SORCS2: variants seen among roughly 807,000 people sequenced by gnomAD.
SORCS2 encodes VPS10 domain-containing receptor SorCS2.
A neutral mutation model predicts 141.6 loss-of-function variants in SORCS2; 100 were observed. The ratio of observed to expected loss-of-function variants is 0.71; its 90% confidence interval spans 0.60 to 0.83. The LOEUF is 0.83. Among genes scored for constraint, SORCS2 ranks in the 40% least tolerant of loss-of-function variants. The probability of loss-of-function intolerance (pLI) is 0.00; values close to 1 mark genes in which losing one functional copy is unlikely to be tolerated. For missense variants in SORCS2, 1,646 were observed against 1,560.2 expected, an observed-to-expected ratio of 1.05 and a Z score of -0.93; for synonymous variants, 789 against 676.9, an observed-to-expected ratio of 1.17 and a Z score of -2.57.
chr4:7,520,395 G>A (rs1326977191), intron 2 of SORCS2, among the ~76,000 whole-genome samples: 1 of 152,202 alleles, frequency 6.6e-6, no homozygotes, highest in Non-Finnish European at 1.5e-5. Flanking sequence ...CGTGGGTCAG[G>A]TCCGAGGTCA....
At chr4:7,581,235 A>G (rs1471385799) in intron 3 of SORCS2, among the ~76,000 whole-genome samples, 1 of 151,558 alleles carries the variant, frequency 6.6e-6, no homozygotes, top group Non-Finnish European at 1.5e-5. Context: ...AATATAAATT[A>G]TAATATAAAT....
chr4:7,436,286 C>T (rs1727294250), intron 2 of SORCS2, among the ~76,000 whole-genome samples: 1 of 152,204 alleles, frequency 6.6e-6, no homozygotes, highest in African/African-American at 2.4e-5. Flanking sequence ...CAGCCAAGCA[C>T]GTGTTGATAC....
At chr4:7,512,575 A>T (rs946135678) in intron 2 of SORCS2, among the ~76,000 whole-genome samples, 74 of 152,010 alleles carry the variant, frequency 4.9e-4, no homozygotes, top group African/African-American at 1.8e-3. Flanking sequence ...CCCTCCCCCA[A>T]CCTCAGGCCC....
chr4:7,491,637 C>T (rs1435547191), intron 2 of SORCS2, among the ~76,000 whole-genome samples: 1 of 152,236 alleles, frequency 6.6e-6, no homozygotes, highest in Admixed American at 6.5e-5. Context: ...TCTGTGATCT[C>T]ATTTGTAACA....
intron 5 of SORCS2, among the ~76,000 whole-genome samples, chr4:7,656,695 C>T (rs999305410): frequency 2.9e-4 from 44 of 152,210 alleles, no homozygotes; most frequent in African/African-American, 1.0e-3. Flanking sequence ...CTTGCTCAGC[C>T]CCACGCTCAC....
chr4:7,647,027 T>C (rs1368234434), intron 4 of SORCS2, among the ~76,000 whole-genome samples: 2 of 152,136 alleles, frequency 1.3e-5, no homozygotes, highest in Non-Finnish European at 2.9e-5. Context: ...AGACCCGGAC[T>C]CTTACCTGTG....
At chr4:7,611,205 A>AC (rs1402472174) in intron 3 of SORCS2, among the ~76,000 whole-genome samples, 1 of 152,196 alleles carries the variant, frequency 6.6e-6, no homozygotes, top group East Asian at 1.9e-4. Context: ...AGAAACCATG[A>AC]CCTCAGCACC....
At chr4:7,459,312 A>G (rs1219378792) in intron 2 of SORCS2, among the ~76,000 whole-genome samples, 4 of 152,010 alleles carry the variant, frequency 2.6e-5, no homozygotes, top group African/African-American at 2.4e-5. Flanking sequence ...ATCTCTCCCA[A>G]CCCCAAGCAT....
At chr4:7,294,171 C>T (rs192507206) in intron 1 of SORCS2, among the ~76,000 whole-genome samples, 277 of 152,200 alleles carry the variant, frequency 1.8e-3, no homozygotes, top group African/African-American at 6.4e-3. Context: ...GCATACGCAC[C>T]GGTGATGCCT....
intron 1 of SORCS2, among the ~76,000 whole-genome samples, chr4:7,266,111 GC>G (rs1248222572): frequency 2.0e-5 from 3 of 152,116 alleles, no homozygotes; most frequent in Non-Finnish European, 4.4e-5. Context: ...TCTTGCCTGG[GC>G]CCTGGTGCCA....
chr4:7,217,856 T>C (rs1728457047), intron 1 of SORCS2, among the ~76,000 whole-genome samples: 1 of 152,072 alleles, frequency 6.6e-6, no homozygotes, highest in Admixed American at 6.5e-5. Context: ...AGGGGCAAGG[T>C]TCTTGAAGGG....
At chr4:7,584,224 G>T (rs1716379395) in intron 3 of SORCS2, among the ~76,000 whole-genome samples, 1 of 152,222 alleles carries the variant, frequency 6.6e-6, no homozygotes, top group South Asian at 2.1e-4. Flanking sequence ...ATGGATAAGA[G>T]GAAAGGAGTC....
chr4:7,571,087 A>G (rs759989248), intron 3 of SORCS2, among the ~76,000 whole-genome samples: 1 of 152,244 alleles, frequency 6.6e-6, no homozygotes, highest in Non-Finnish European at 1.5e-5. Context: ...TAGTAAAATA[A>G]GCAGTTACAG....
At chr4:7,312,340 T>G (rs969481658) in intron 1 of SORCS2, among the ~76,000 whole-genome samples, 3 of 152,188 alleles carry the variant, frequency 2.0e-5, no homozygotes, top group African/African-American at 7.2e-5. Flanking sequence ...CCTGAGAAGC[T>G]CCCACTCCGG....
At chr4:7,647,262 A>G (rs899689218) in intron 4 of SORCS2, among the ~76,000 whole-genome samples, 2 of 152,180 alleles carry the variant, frequency 1.3e-5, no homozygotes, top group Non-Finnish European at 2.9e-5. Context: ...CTCCTTCTTT[A>G]AGACAATTTA....
At chr4:7,673,344 C>A (rs1246591030) in intron 8 of SORCS2, among the ~76,000 whole-genome samples, 1 of 152,182 alleles carries the variant, frequency 6.6e-6, no homozygotes, top group African/African-American at 2.4e-5. Context: ...AACCAGAGAG[C>A]CAGAGATCTG....
intron 2 of SORCS2, among the ~76,000 whole-genome samples, chr4:7,446,814 A>T (rs144666973): frequency 2.2e-4 from 34 of 152,340 alleles, no homozygotes; most frequent in African/African-American, 8.2e-4. Context: ...CGGGACATGG[A>T]GATAGGACCT....
intron 1 of SORCS2, among the ~76,000 whole-genome samples, chr4:7,264,411 C>T (rs1000075043): frequency 2.0e-5 from 3 of 152,132 alleles, no homozygotes; most frequent in African/African-American, 7.2e-5. Flanking sequence ...CAGGTGTGGG[C>T]ATCTGTCCCC....
rs543543948 is a variant in SORCS2 at position 7,288,958 on chromosome 4, TCTTTC to T, written c.480+95837_480+95841del. Among the ~76,000 whole-genome samples, 582 of 151,238 alleles carry T rather than the reference TCTTTC, an allele frequency of 3.8e-3. 2 individuals are homozygous for T. The highest frequency in any genetic ancestry group is 7.5e-3 in the Admixed American group (115 of 15,250). ...CCACCTCCTCCAGGAAGCCTTCCTATCTTTCCTTTGAGTTTCCACAGTGTTTGTGT... is the reference window on the plus strand; with the variant it reads ...CCACCTCCTCCAGGAAGCCTTCCTATCTTTGAGTTTCCACAGTGTTTGTGT... On this transcript the variant is annotated intron_variant, in intron 1 of 26. Transcript: ENST00000507866.
Sources: gnomAD v4.1 joint callset for allele counts (sites outside exome capture counted in the v4.1 genomes callset) on GRCh38, gnomAD v4.1.1 for gene constraint, MANE v1.5 for transcripts, NCBI Gene and HGNC (gene_info 2026-07-23, HGNC 2026-07-21) for gene names.